Variants in PIGT observed in about 807,000 individuals in gnomAD.
PIGT encodes the protein GPI-anchor transamidase component PIGT.
A neutral mutation model predicts 66.7 loss-of-function variants in PIGT; 57 were observed. The ratio of observed to expected loss-of-function variants is 0.86; its 90% CI spans 0.69 to 1.07. The LOEUF (loss-of-function observed/expected upper bound fraction) is 1.07, where lower values mean the gene tolerates loss of function less well. Ranked by LOEUF, PIGT falls within the 50% of genes least tolerant of loss-of-function variation. PIGT has a pLI of 0.00. For synonymous variants in PIGT, 362 were observed against 320.5 expected (o/e 1.13, Z -1.38); for missense variants, 725 against 740.4 (o/e 0.98, Z 0.24).
At chr20:45,420,896 T>G (rs774668169) in intron 8 of PIGT, 17 of 604,128 alleles carry the variant, frequency 2.8e-5, no homozygotes, top group Non-Finnish European at 5.0e-5. Context: ...ATCTGAAAAA[T>G]AGAGTATACT....
In PIGT at chr20:45,416,528, A is replaced by G; in HGVS notation, c.199A>G (p.Arg67Gly). 6.2e-7 allele frequency: 1 copy of G among 1,614,082 alleles called. No individual in the cohort carries two copies. Among genetic ancestry groups the G allele is most frequent in the Non-Finnish European group, 8.5e-7 (1 of 1,179,974 alleles). ...TCCCGTTTCCCCAGTGTCCCATTAC[A>G]GGCTCTTTCCCAAAGCCCTGGGGCA... ...ELQREGVSHY[R>G]LFPKALGQLI... Residue 67 changes from arginine to glycine, a missense_variant, in exon 2 of 12, where the codon AGG becomes GGG. Arg to Gly is a moderately radical substitution (Grantham distance 125). Around this residue, in one of 3 missense-constraint regions of PIGT, gnomAD observed 559 missense variants for 552.7 expected, o/e 1.01. Transcript: ENST00000279036.
intron 3 of PIGT, 108 bp downstream of exon 3, chr20:45,419,087 TC>T: frequency 6.9e-7 from 1 of 1,441,642 alleles, no homozygotes; most frequent in East Asian, 2.3e-5. Context: ...AGATCCTAAG[TC>T]CCCTGTGTGT....
chr20:45,416,540 A>G lies in PIGT; in HGVS notation c.211A>G (p.Lys71Glu). ...EGVSHYRLFP[K>E]ALGQLISKYS... ...AGTGTCCCATTACAGGCTCTTTCCC[A>G]AAGCCCTGGGGCAGCTGATCTCCAA... The change falls in exon 2 of 12, where the codon AAA (lysine) becomes GAA (glutamate). Residue 71 changes from lysine (K) to glutamate (E), a missense_variant. Physicochemically the swap from Lys to Glu is moderately conservative, Grantham distance 56. Transcript: ENST00000279036. 1 of 1,614,102 alleles carries G rather than the reference A, an allele frequency of 6.2e-7. No homozygotes were observed. Among genetic ancestry groups the G allele is most frequent in the Non-Finnish European group, 8.5e-7 (1 of 1,179,990 alleles).
chr20:45,424,514 C>T lies in PIGT; in HGVS notation c.1419C>T (p.Ala473=). 12 of 1,614,206 alleles carry T rather than the reference C, an allele frequency of 7.4e-6. No homozygotes were observed. The highest frequency in any genetic ancestry group is 1.3e-5 in the African/African-American group (1 of 75,046). ...TCTGTAGCCCATCTGTCCTCAGCGC[C>T]CTTGTGCCCAGCATGGTAGCAGCCA... ...GFYVSPSVLS[A]LVPSMVAAKP... The change falls in exon 11 of 12, where the codon GCC becomes GCT. Residue 473 remains alanine, a synonymous_variant. Transcript: ENST00000279036.
At position 45,421,403 on chromosome 20, in the gene PIGT, C is replaced by G. The variant is rs1387051354; in HGVS notation, c.1054C>G (p.Leu352Val). 1.2e-6 allele frequency: 2 copies of G among 1,613,874 alleles called. No individual in the cohort carries two copies. Among genetic ancestry groups the G allele is most frequent in the East Asian group, 2.2e-5 (1 of 44,892 alleles). ...CACAGAGGCCCCCCCAGTGCCCTTC[C>G]TGCATGCCCAGCGGTACGTGAGTGG... Reference protein sequence around the residue: ...PENEAPPVPFLHAQRYVSGYG... With the variant: ...PENEAPPVPFVHAQRYVSGYG... Residue 352 changes from leucine (L) to valine (V), a missense_variant, in exon 9 of 12, where the codon CTG (leucine) becomes GTG (valine). By Grantham distance (32) the Leu-to-Val change is conservative. Around this residue, in one of 3 missense-constraint regions of PIGT, gnomAD observed 559 missense variants for 552.7 expected, o/e 1.01. Coordinates refer to ENST00000279036, the MANE Select transcript of PIGT (RefSeq NM_015937.6).
chr20:45,416,826 G>A (rs1328256541), intron 2 of PIGT, 132 bp downstream of exon 2: 6 of 774,778 alleles, frequency 7.7e-6, no homozygotes, highest in Non-Finnish European at 1.2e-5. Flanking sequence ...AGCTGGCATT[G>A]GAAGTAAGAA....
Position 45,416,506 on chromosome 20 carries a change from C to A in PIGT, c.188-11C>A. 6.2e-7 allele frequency: 1 copy of A among 1,612,660 alleles called. No individual in the cohort carries two copies. Among genetic ancestry groups the A allele is most frequent in the South Asian group, 1.1e-5 (1 of 90,868 alleles). ...GTGGGGATCGTCACTCACCTGCTCC[C>A]GTTTCCCCAGTGTCCCATTACAGGC... On this transcript the variant is annotated splice_polypyrimidine_tract_variant and intron_variant, in intron 1 of 11. Transcript: ENST00000279036.
intron 8 of PIGT, 115 bp downstream of exon 8, chr20:45,420,808 C>A: frequency 2.8e-6 from 3 of 1,069,188 alleles, no homozygotes; most frequent in Non-Finnish European, 4.2e-6. Context: ...TTTCCAGAGT[C>A]ATATGCTGCT....
rs1568950600 is a variant in PIGT, at chr20:45,421,435, G to T, written c.1086G>T (p.Gly362=). ...LHAQRYVSGY[G]LQKGELSTLL... The stretch of plus-strand genomic sequence containing the variant: ...CCCAGCGGTACGTGAGTGGCTATGG[G>T]CTGCAGAAGGGGGAGCTGAGCACAC... The change falls in exon 9 of 12, where the codon GGG becomes GGT. Residue 362 remains glycine (G), a synonymous_variant. Transcript: ENST00000279036. 6.2e-7 allele frequency: 1 copy of T among 1,614,182 alleles called. No homozygotes were observed. The highest frequency in any genetic ancestry group is 1.1e-5 in the South Asian group (1 of 91,082).
At chr20:45,418,590 G>C in intron 2 of PIGT, 1 of 428,934 alleles carries the variant, frequency 2.3e-6, no homozygotes, top group Non-Finnish European at 4.4e-6. Flanking sequence ...GCAAAGGCTT[G>C]CAAGGAAGGA....
intron 8 of PIGT, chr20:45,421,107 G>C (rs1600813829): frequency 1.9e-6 from 1 of 540,096 alleles, no homozygotes; most frequent in African/African-American, 1.9e-5. Flanking sequence ...CCCTTACCAA[G>C]GGAAAGAGCA....
intron 11 of PIGT, 30 bp from the exon 12 acceptor site, chr20:45,425,544 C>T: frequency 6.2e-7 from 1 of 1,606,136 alleles, no homozygotes; most frequent in Non-Finnish European, 8.5e-7. Context: ...AGCAGCCAGT[C>T]CTGTCTCACC....
At chr20:45,419,864 A>G in intron 5 of PIGT, 1 of 599,690 alleles carries the variant, frequency 1.7e-6, no homozygotes, top group South Asian at 2.0e-5. Context: ...TGGGTGAATC[A>G]TTTCATTCCC....
chr20:45,423,223 C>G (rs1484448692), intron 9 of PIGT: 1 of 151,760 alleles, frequency 6.6e-6, no homozygotes, highest in Non-Finnish European at 1.5e-5. Flanking sequence ...TGCCACCACG[C>G]CTGGCTAATT....
chr20:45,419,577 G>T lies in PIGT; in HGVS notation c.668G>T (p.Arg223Leu), dbSNP rs758888947. 6.2e-7 allele frequency: 1 copy of T among 1,612,664 alleles called. No individual in the cohort carries two copies. The highest frequency in any genetic ancestry group is 1.7e-5 in the Admixed American group (1 of 60,030). ...TACCACTCCCAGGCAGTGCATATCCGCCCTGTTTGCAGAGTAAGTCATGGG... is the reference window on the plus strand; with the variant it reads ...TACCACTCCCAGGCAGTGCATATCCTCCCTGTTTGCAGAGTAAGTCATGGG... Reference protein sequence around the residue: ...TSYHSQAVHIRPVCRNARCTS... With the variant: ...TSYHSQAVHILPVCRNARCTS... Residue 223 changes from arginine to leucine, a missense_variant, in exon 5 of 12, where the codon CGC becomes CTC. This residue lies in a region of PIGT where 559 missense variants were observed against 552.7 expected (regional missense o/e 1.01). Coordinates refer to ENST00000279036, the MANE Select transcript of PIGT (RefSeq NM_015937.6).
At chr20:45,424,059 C>G in intron 9 of PIGT, 157 bp from the exon 10 acceptor site, 1 of 647,116 alleles carries the variant, frequency 1.5e-6, no homozygotes, top group Non-Finnish European at 2.7e-6. Context: ...TCTCCCTTTT[C>G]TTAGCCCCTG....
rs1375716987 is a variant in PIGT, at chr20:45,421,420, C to T, written c.1071C>T (p.Tyr357=). 1.9e-6 allele frequency: 3 copies of T among 1,614,186 alleles called. No individual in the cohort carries two copies. Among genetic ancestry groups the T allele is most frequent in the South Asian group, 1.1e-5 (1 of 91,078 alleles). ...PPVPFLHAQR[Y]VSGYGLQKGE... ...TGCCCTTCCTGCATGCCCAGCGGTA[C>T]GTGAGTGGCTATGGGCTGCAGAAGG... Residue 357 remains tyrosine (Y), a synonymous_variant, in exon 9 of 12, where the codon TAC becomes TAT. Transcript: ENST00000279036.
Position 45,421,443 on chromosome 20 carries a change from A to T in PIGT, c.1094A>T (p.Lys365Met), listed in dbSNP as rs767249283. ...TACGTGAGTGGCTATGGGCTGCAGA[A>T]GGGGGAGCTGAGCACACTGCTGTAC... ...QRYVSGYGLQKGELSTLLYNT... is the reference protein window; with the variant it reads ...QRYVSGYGLQMGELSTLLYNT... The change falls in exon 9 of 12, where the codon AAG becomes ATG. Residue 365 changes from lysine (K) to methionine (M), a missense_variant. Around this residue, in one of 3 missense-constraint regions of PIGT, gnomAD observed 559 missense variants for 552.7 expected, o/e 1.01. Coordinates refer to ENST00000279036, the MANE Select transcript of PIGT (RefSeq NM_015937.6). 3 of 1,614,154 alleles carry T rather than the reference A, an allele frequency of 1.9e-6. No homozygotes were observed. In the South Asian group the frequency reaches 3.3e-5, roughly 18 times the overall value.
Position 45,416,636 on chromosome 20 carries a change from T to A in PIGT, c.307T>A (p.Phe103Ile), listed in dbSNP as rs772946352. Residue 103 changes from phenylalanine to isoleucine, a missense_variant, in exon 2 of 12, where the codon TTC (phenylalanine) becomes ATC (isoleucine). Physicochemically the swap from Phe to Ile is conservative, Grantham distance 21. This residue lies in a region of PIGT where 559 missense variants were observed against 552.7 expected (regional missense o/e 1.01). Transcript: ENST00000279036. ...GAGGACCCGATACTGGGGGCCACCC[T>A]TCCTGCAGGCCCCATCAGGTGCAGA... ...FWRTRYWGPPFLQAPSGAELW... is the reference protein window; with the variant it reads ...FWRTRYWGPPILQAPSGAELW... 7 of 1,614,028 alleles carry A rather than the reference T, an allele frequency of 4.3e-6. No homozygotes were observed. Among genetic ancestry groups the A allele is most frequent in the Non-Finnish European group, 5.9e-6 (7 of 1,180,026 alleles).
Sources: allele counts gnomAD v4.1 joint callset, GRCh38; gene constraint gnomAD v4.1.1; regional missense constraint gnomAD v4.1.1; transcripts MANE v1.5; gene names NCBI Gene and HGNC (gene_info 2026-07-23, HGNC 2026-07-21).